Variants in CASD1 observed in about 807,000 individuals in gnomAD.
CASD1 encodes the protein N-acetylneuraminate (7)9-O-acetyltransferase.
In CASD1, 41 loss-of-function variants were observed where a neutral mutation model predicts 100.0. That is an observed-to-expected ratio of 0.41 (90% CI 0.32 to 0.53). The LOEUF is 0.53. Among genes scored for constraint, CASD1 ranks in the 20% least tolerant of loss-of-function variants. CASD1 has a pLI of 0.25. For synonymous variants in CASD1, 321 were observed against 315.6 expected, an observed-to-expected ratio of 1.02 and a Z score of -0.18; for missense variants, 774 against 948.7, an observed-to-expected ratio of 0.82 and a Z score of 2.42.
chr7:94,591,551 C>T, the CASD1 span, among the ~76,000 whole-genome samples: 2 of 152,104 alleles, frequency 1.3e-5, no homozygotes, highest in African/African-American at 4.8e-5. Flanking sequence ...AACAAAGACA[C>T]ATGTTTTCCA....
the CASD1 span, chr7:94,599,666 TGAA>T: frequency 6.2e-7 from 1 of 1,600,478 alleles, no homozygotes; most frequent in Non-Finnish European, 8.6e-7. Context: ...GAAAAAATGA[TGAA>T]GAAAATAACA....
intron 13 of CASD1, among the ~76,000 whole-genome samples, chr7:94,548,502 C>T (rs1795789482): frequency 6.6e-6 from 1 of 151,610 alleles, no homozygotes; most frequent in Non-Finnish European, 1.5e-5. Context: ...GATTGCCACT[C>T]TTAGTAAAAA....
the CASD1 span, among the ~76,000 whole-genome samples, chr7:94,615,390 A>G: frequency 1.3e-5 from 2 of 148,850 alleles, no homozygotes; most frequent in Admixed American, 6.7e-5. Flanking sequence ...AGATAGATAG[A>G]TAGATAGATA....
chr7:94,626,935 C>T, the CASD1 span: 1 of 151,988 alleles, frequency 6.6e-6, no homozygotes, highest in South Asian at 2.1e-4. Context: ...TTTTCCATAA[C>T]TATCATGACA....
chr7:94,605,240 C>T, the CASD1 span, among the ~76,000 whole-genome samples: 1 of 151,962 alleles, frequency 6.6e-6, no homozygotes, highest in Non-Finnish European at 1.5e-5. Flanking sequence ...ATGCAGAGGG[C>T]TCTAATGAAT....
At chr7:94,528,041 G>T (rs1468392873) in intron 4 of CASD1, 147 bp from the exon 5 acceptor site, 2 of 614,870 alleles carry the variant, frequency 3.3e-6, no homozygotes, top group Non-Finnish European at 5.7e-6. Context: ...TAAGACTCTT[G>T]CCAAATTAAG....
Position 94,552,336 on chromosome 7 carries a change from A to AT in CASD1, c.1957-8dup, listed in dbSNP as rs756356941. Reference sequence around the variant, plus strand: ...CTTGCTTTTTTGAACTTTTCCATACATTTTTTGTTTTAGACCTATTCCATC... The same window carrying AT: ...CTTGCTTTTTTGAACTTTTCCATACATTTTTTTGTTTTAGACCTATTCCATC... On this transcript the variant is annotated splice_polypyrimidine_tract_variant and intron_variant, in intron 15 of 17. Transcript: ENST00000297273. 1.9e-6 allele frequency: 3 copies of AT among 1,599,928 alleles called. No homozygotes were observed. The highest frequency in any genetic ancestry group is 1.1e-5 in the South Asian group (1 of 88,234).
At chr7:94,545,179 A>G (rs1239038281) in intron 11 of CASD1, among the ~76,000 whole-genome samples, 2 of 152,126 alleles carry the variant, frequency 1.3e-5, no homozygotes, top group African/African-American at 2.4e-5. Flanking sequence ...GTAAGTCAAC[A>G]TTAAACAAAG....
At chr7:94,593,983 T>C in the CASD1 span, among the ~76,000 whole-genome samples, 10 of 152,100 alleles carry the variant, frequency 6.6e-5, no homozygotes, top group Non-Finnish European at 1.0e-4. Context: ...ATTCCCATAC[T>C]CAGAGCCCCA....
chr7:94,598,942 A>C, the CASD1 span: 1 of 1,613,768 alleles, frequency 6.2e-7, no homozygotes, highest in South Asian at 1.1e-5. Context: ...TCTGAATAGC[A>C]CTGTGATGGA....
the CASD1 span, among the ~76,000 whole-genome samples, chr7:94,574,873 G>A: frequency 9.2e-5 from 14 of 152,100 alleles, no homozygotes; most frequent in Admixed American, 6.5e-4. Flanking sequence ...GGGAGGCTGA[G>A]GCAGGAGAAT....
chr7:94,631,140 A>T, the CASD1 span, among the ~76,000 whole-genome samples: 1 of 147,536 alleles, frequency 6.8e-6, no homozygotes, highest in South Asian at 2.3e-4. Flanking sequence ...TTCTTTCCTG[A>T]TTTGTTTTGT....
At chr7:94,575,291 A>G in the CASD1 span, among the ~76,000 whole-genome samples, 1 of 152,100 alleles carries the variant, frequency 6.6e-6, no homozygotes, top group Non-Finnish European at 1.5e-5. Flanking sequence ...TTTCTGCCTT[A>G]ATTTCATTAT....
chr7:94,524,520 G>T (rs991700327), intron 3 of CASD1, among the ~76,000 whole-genome samples: 1 of 152,100 alleles, frequency 6.6e-6, no homozygotes, highest in Non-Finnish European at 1.5e-5. Flanking sequence ...CTGTGTACCA[G>T]TAGATGTCTT....
the CASD1 span, among the ~76,000 whole-genome samples, chr7:94,580,157 C>G: frequency 2.0e-5 from 3 of 152,158 alleles, no homozygotes; most frequent in African/African-American, 7.2e-5. Flanking sequence ...ACTGCTGTAT[C>G]TGCTCTCTAT....
chr7:94,620,690 T>C, the CASD1 span: 1 of 152,248 alleles, frequency 6.6e-6, no homozygotes, highest in African/African-American at 2.4e-5. Flanking sequence ...AAAACTTTTT[T>C]CTTATGATCA....
At chr7:94,583,480 C>G in the CASD1 span, among the ~76,000 whole-genome samples, 1 of 152,080 alleles carries the variant, frequency 6.6e-6, no homozygotes, top group South Asian at 2.1e-4. Flanking sequence ...TCTAAAGAAC[C>G]AATTTATAGA....
chr7:94,517,193 C>A, intron 1 of CASD1, among the ~76,000 whole-genome samples: 1 of 152,094 alleles, frequency 6.6e-6, no homozygotes, highest in Non-Finnish European at 1.5e-5. Context: ...TGTGAGCCAC[C>A]GTGCCTGGCC....
the CASD1 span, chr7:94,599,680 G>A: frequency 1.2e-6 from 2 of 1,608,052 alleles, no homozygotes; most frequent in African/African-American, 2.7e-5. Flanking sequence ...GAAAATAACA[G>A]GAAAGAAGAC....
Sources: allele counts gnomAD v4.1 joint callset (sites outside exome capture counted in the v4.1 genomes callset), GRCh38; gene constraint gnomAD v4.1.1; transcripts MANE v1.5; gene names NCBI Gene and HGNC (gene_info 2026-07-23, HGNC 2026-07-21).